SLC35F4: variants seen among roughly 807,000 people sequenced by gnomAD.
SLC35F4 encodes the protein solute carrier family 35 member F4.
In SLC35F4, 24 loss-of-function variants were observed where a neutral mutation model predicts 44.2. That is an observed-to-expected ratio of 0.54 (90% CI 0.39 to 0.76). The LOEUF (loss-of-function observed/expected upper bound fraction) is 0.76, where lower values mean the gene tolerates loss of function less well. Ranked by LOEUF, SLC35F4 falls within the 30% of genes least tolerant of loss-of-function variation. The pLI is 0.00. For synonymous variants in SLC35F4, 238 were observed against 223.6 expected (o/e 1.06, Z -0.57); for missense variants, 562 against 586.1 (o/e 0.96, Z 0.42).
At chr14:57,593,831 C>T in intron 2 of SLC35F4, 108 bp downstream of exon 2, 1 of 1,222,194 alleles carries the variant, frequency 8.2e-7, no homozygotes. Flanking sequence ...CCCACATGTA[C>T]TCATAAGAGT....
At chr14:57,665,428 C>G (rs771662954) in intron 1 of SLC35F4, among the ~76,000 whole-genome samples, 2 of 152,162 alleles carry the variant, frequency 1.3e-5, no homozygotes, top group African/African-American at 2.4e-5. Context: ...ATGAGGCAAG[C>G]ACGAGTACTG....
At chr14:57,949,047 T>C (rs900521260) in intron 1 of SLC35F4, among the ~76,000 whole-genome samples, 4 of 152,140 alleles carry the variant, frequency 2.6e-5, no homozygotes, top group Non-Finnish European at 5.9e-5. Flanking sequence ...AAGTCCATTT[T>C]TTCCAGGGTA....
At chr14:57,926,240 CT>C (rs1205171449) in intron 1 of SLC35F4, among the ~76,000 whole-genome samples, 12 of 152,240 alleles carry the variant, frequency 7.9e-5, no homozygotes, top group Non-Finnish European at 1.6e-4. Context: ...TTTTACACCC[CT>C]AGCACCTCTC....
At chr14:57,780,693 G>C (rs1948517769) in intron 1 of SLC35F4, among the ~76,000 whole-genome samples, 1 of 151,992 alleles carries the variant, frequency 6.6e-6, no homozygotes, top group Admixed American at 6.6e-5. Context: ...CTATGTTACA[G>C]GATTACAGTA....
chr14:57,768,828 C>G lies in SLC35F4; in HGVS notation c.103+96895G>C, dbSNP rs911099082. The stretch of plus-strand genomic sequence containing the variant: ...AGCGCAGTAGCGCAATCTCGGCTCA[C>G]TACAATCTCTGCCTCCCAGGTTCAA... On this transcript the variant is annotated intron_variant, in intron 1 of 7. Coordinates refer to ENST00000556826, the MANE Select transcript of SLC35F4 (RefSeq NM_001306087.2). 1.1e-4 allele frequency among the ~76,000 whole-genome samples: 17 copies of G among 152,182 alleles called. 1 individual carries two copies. Among genetic ancestry groups the G allele is most frequent in the Admixed American group, 1.1e-3 (17 of 15,300 alleles).
intron 1 of SLC35F4, among the ~76,000 whole-genome samples, chr14:57,953,099 A>G (rs1415390005): frequency 6.6e-6 from 1 of 152,212 alleles, no homozygotes; most frequent in African/African-American, 2.4e-5. Context: ...CTCTGCAGAA[A>G]CCTTACGAAC....
At chr14:57,929,022 T>TA (rs1889639029) in intron 1 of SLC35F4, among the ~76,000 whole-genome samples, 1 of 152,054 alleles carries the variant, frequency 6.6e-6, no homozygotes. Context: ...AACAGACTGT[T>TA]AAAAAAATGA....
intron 1 of SLC35F4, among the ~76,000 whole-genome samples, chr14:57,702,480 C>A (rs1310786274): frequency 2.0e-5 from 3 of 152,076 alleles, no homozygotes; most frequent in African/African-American, 7.2e-5. Flanking sequence ...GACAGGTCAT[C>A]ATGTAAAAAA....
At chr14:57,837,408 A>G (rs1387889624) in intron 1 of SLC35F4, 2 of 152,198 alleles carry the variant, frequency 1.3e-5, no homozygotes, top group African/African-American at 4.8e-5. Flanking sequence ...AATTTCTTGA[A>G]AGTTTGTTTG....
intron 1 of SLC35F4, among the ~76,000 whole-genome samples, chr14:57,848,454 G>C (rs1886226427): frequency 6.6e-6 from 1 of 152,172 alleles, no homozygotes; most frequent in South Asian, 2.1e-4. Flanking sequence ...GAATGCTGGT[G>C]GTAAGCCAGG....
intron 1 of SLC35F4, among the ~76,000 whole-genome samples, chr14:57,616,323 G>T (rs549829496): frequency 1.3e-5 from 2 of 152,302 alleles, no homozygotes; most frequent in South Asian, 4.1e-4. Context: ...GAATTATGAA[G>T]GGGAAATTGA....
rs2069996718 is a variant in SLC35F4 at position 57,589,233 on chromosome 14, A to T, written c.570T>A (p.Ser190=). The part of the protein sequence containing the change: ...GHLATAQEKQ[S]PMKKFRECSR... ...AAACCTACCTGAATTTTTTCATTGG[A>T]GATTGCTTTTCTTGAGCAGTGGCTA... Residue 190 remains serine (S), a synonymous_variant, in exon 3 of 8, where the codon TCT becomes TCA. Transcript: ENST00000556826. 1 of 1,605,642 alleles carries T rather than the reference A, an allele frequency of 6.2e-7. No individual in the cohort carries two copies. Among genetic ancestry groups the T allele is most frequent in the Non-Finnish European group, 8.5e-7 (1 of 1,176,238 alleles).
intron 1 of SLC35F4, among the ~76,000 whole-genome samples, chr14:57,793,970 G>A (rs1404272449): frequency 6.6e-6 from 1 of 152,042 alleles, no homozygotes; most frequent in Non-Finnish European, 1.5e-5. Flanking sequence ...GAAAGGACAT[G>A]CTATTCAATA....
chr14:57,616,526 G>A (rs1179709660), intron 1 of SLC35F4, among the ~76,000 whole-genome samples: 3 of 152,160 alleles, frequency 2.0e-5, no homozygotes, highest in Non-Finnish European at 4.4e-5. Context: ...TCCCCAAAGA[G>A]ACTGACAAAG....
intron 1 of SLC35F4, among the ~76,000 whole-genome samples, chr14:57,892,836 A>C (rs925997337): frequency 2.4e-4 from 37 of 152,154 alleles, no homozygotes; most frequent in Non-Finnish European, 4.3e-4. Context: ...TAACCAACAA[A>C]AAAAAAGTTC....
intron 1 of SLC35F4, among the ~76,000 whole-genome samples, chr14:57,908,293 T>G (rs759749593): frequency 1.6e-4 from 25 of 152,224 alleles, no homozygotes; most frequent in Non-Finnish European, 3.2e-4. Flanking sequence ...TCTATATTCC[T>G]TTGGGTATAT....
Position 57,865,741 on chromosome 14 carries a change from C to T in SLC35F4, c.85G>A (p.Gly29Ser), listed in dbSNP as rs1298877875. 3.3e-6 allele frequency: 5 copies of T among 1,522,756 alleles called. No individual in the cohort carries two copies. The highest frequency in any genetic ancestry group is 1.2e-5 in the South Asian group (1 of 81,842). The allele number at this position is 1,522,756 out of a possible 1,614,324, so 94.3% of individuals were successfully genotyped here. The change falls in exon 1 of 8, where the codon GGT becomes AGT. Residue 29 changes from glycine (G) to serine (S), a missense_variant. Transcript: ENST00000556826. The part of the protein sequence containing the change: ...RITGYYGYYP[G>S]YSSQKSTSRS... Reference sequence around the variant, plus strand: ...GTCTTACTTTTCTGGCTGGAGTAACCTGGATAATAGCCATAGTAGCCGGTG... The same window carrying T: ...GTCTTACTTTTCTGGCTGGAGTAACTTGGATAATAGCCATAGTAGCCGGTG...
At chr14:57,827,275 G>A (rs1421190732) in intron 1 of SLC35F4, among the ~76,000 whole-genome samples, 1 of 152,124 alleles carries the variant, frequency 6.6e-6, no homozygotes, top group Admixed American at 6.6e-5. Flanking sequence ...AACGAATATT[G>A]CATGTTGTCA....
intron 1 of SLC35F4, among the ~76,000 whole-genome samples, chr14:57,831,598 T>C (rs767136000): frequency 2.0e-4 from 31 of 152,246 alleles, no homozygotes; most frequent in Admixed American, 2.6e-4. Context: ...CAGTAAATAA[T>C]CTATCCTGTG....
Sources: gnomAD v4.1 joint callset for allele counts (sites outside exome capture counted in the v4.1 genomes callset) on GRCh38, gnomAD v4.1.1 for gene constraint, MANE v1.5 for transcripts, NCBI Gene and HGNC (gene_info 2026-07-23, HGNC 2026-07-21) for gene names.